The following MEF2D variants were observed in gnomAD, a reference collection of about 807,000 sequenced individuals.
The protein encoded by MEF2D is myocyte-specific enhancer factor 2D.
MEF2D carries 10 observed loss-of-function variants against 59.3 expected under a neutral mutation model. The observed-to-expected ratio is 0.17, with a 90% CI of 0.10 to 0.29. The LOEUF (loss-of-function observed/expected upper bound fraction) is 0.29. Among genes scored for constraint, MEF2D ranks in the 10% least tolerant of loss-of-function variants. The pLI is 1.00. For missense variants in MEF2D, 508 were observed against 699.4 expected (o/e 0.73, Z 3.09); for synonymous variants, 305 against 295.0 (o/e 1.03, Z -0.35).
At chr1:156,473,842 T>C (rs1167913747) in intron 9 of MEF2D, among the ~76,000 whole-genome samples, 1 of 152,204 alleles carries the variant, frequency 6.6e-6, no homozygotes, top group Non-Finnish European at 1.5e-5. Context: ...TCCACCACCA[T>C]GCCAAAACTA....
rs777120402 is a variant in MEF2D, at chr1:156,480,989, C to A, written c.259-18G>T. ...CTCAGGGTCTGTAACCGCACCACTG[C>A]CATCAGCTGGGTGAGAGTCCTTCCC... On this transcript the variant is annotated intron_variant, in intron 3 of 11. Transcript: ENST00000348159. The A allele has an allele frequency of 1.9e-6, 3 of 1,611,524 alleles. No individual in the cohort carries two copies. Among genetic ancestry groups the A allele is most frequent in the Non-Finnish European group, 2.5e-6 (3 of 1,179,860 alleles).
At chr1:156,479,442 A>G in intron 5 of MEF2D, 96 bp from the exon 6 acceptor site, 3 of 1,483,570 alleles carry the variant, frequency 2.0e-6, no homozygotes, top group African/African-American at 2.8e-5. Flanking sequence ...CAGGAGGAAG[A>G]GTCATACTCC....
In MEF2D at chr1:156,475,206, G is replaced by C. The variant is rs371877746; in HGVS notation, c.908C>G (p.Ser303Cys). 4 of 1,613,668 alleles carry C rather than the reference G, an allele frequency of 2.5e-6. No individual in the cohort carries two copies. Among genetic ancestry groups the C allele is most frequent in the Non-Finnish European group, 3.4e-6 (4 of 1,179,830 alleles). ...NNAQRLGVSQ[S>C]THSLTTPVVS... ...CACTGGGGTGGTGAGCGAATGAGTA[G>C]ACTGGGAGACCCCAAGGCGCTGGGC... is the stretch of plus-strand genomic sequence containing the variant. Residue 303 changes from serine to cysteine, a missense_variant, in exon 9 of 12, where the codon TCT (serine) becomes TGT (cysteine). Around this residue, in one of 2 missense-constraint regions of MEF2D, gnomAD observed 481 missense variants for 584.7 expected, o/e 0.82. Coordinates refer to ENST00000348159, the MANE Select transcript of MEF2D (RefSeq NM_005920.4).
intron 1 of MEF2D, among the ~76,000 whole-genome samples, chr1:156,490,220 C>T (rs1672697571): frequency 6.6e-6 from 1 of 152,142 alleles, no homozygotes; most frequent in African/African-American, 2.4e-5. Flanking sequence ...CGCCCCTACT[C>T]CTGGGCCCCT....
chr1:156,482,404 G>A (rs1305649304), intron 3 of MEF2D, 33 bp downstream of exon 3: 10 of 1,610,882 alleles, frequency 6.2e-6, no homozygotes, highest in East Asian at 2.2e-5. Context: ...TGCAGGCGGG[G>A]GTATATCCTG....
chr1:156,467,945 C>T (rs1023167671), intron 11 of MEF2D, 48 bp downstream of exon 11: 28 of 1,572,272 alleles, frequency 1.8e-5, no homozygotes, highest in African/African-American at 5.4e-5. Flanking sequence ...CGGGGCAGTC[C>T]CTGGGTGTAG....
At chr1:156,467,797 G>A in intron 11 of MEF2D, 141 bp from the exon 12 acceptor site, 1 of 1,073,672 alleles carries the variant, frequency 9.3e-7, no homozygotes, top group Non-Finnish European at 1.3e-6. Context: ...CGAGCAGAAG[G>A]ACTGATGCTG....
In MEF2D at chr1:156,469,054, T is replaced by C. The variant is rs28730740; in HGVS notation, c.1007-34A>G. On this transcript the variant is annotated intron_variant, in intron 9 of 11. Transcript: ENST00000348159. Reference sequence around the variant, plus strand: ...AGGAAAAGTGAGGATGAACCTGGAGTTGGGGAGAGCACACAGGCTCCTATG... The same window carrying C: ...AGGAAAAGTGAGGATGAACCTGGAGCTGGGGAGAGCACACAGGCTCCTATG... 8,927 of 1,565,884 alleles carry C rather than the reference T, an allele frequency of 5.7e-3. 443 individuals carry two copies. In the African/African-American group the frequency reaches 0.1, roughly 18 times the overall value.
At chr1:156,487,671 C>G (rs1672459721) in intron 1 of MEF2D, among the ~76,000 whole-genome samples, 1 of 152,208 alleles carries the variant, frequency 6.6e-6, no homozygotes, top group Non-Finnish European at 1.5e-5. Flanking sequence ...CTAAACTTCC[C>G]TCCTACCCAA....
In MEF2D at chr1:156,468,919, G is replaced by A. The variant is rs545734870; in HGVS notation, c.1108C>T (p.Pro370Ser). 6.2e-7 allele frequency: 1 copy of A among 1,613,516 alleles called. No individual in the cohort carries two copies. Among genetic ancestry groups the A allele is most frequent in the East Asian group, 2.2e-5 (1 of 44,894 alleles). Reference protein sequence around the residue: ...NVTAWQQPQQPQQPQQPQPPQ... With the variant: ...NVTAWQQPQQSQQPQQPQPPQ... The stretch of plus-strand genomic sequence containing the variant: ...GGCTGTGGCTGCTGCGGCTGCTGGG[G>A]CTGCTGTGGCTGTTGCCAGGCAGTG... Residue 370 changes from proline to serine, a missense_variant, in exon 10 of 12, where the codon CCC becomes TCC. By Grantham distance (74) the Pro-to-Ser change is moderately conservative. This residue lies in a region of MEF2D where 481 missense variants were observed against 584.7 expected (regional missense o/e 0.82). Coordinates refer to ENST00000348159, the MANE Select transcript of MEF2D (RefSeq NM_005920.4). The surrounding 1 kb of genome is among the most constrained non-coding windows in gnomAD (Gnocchi z 4.3).
chr1:156,482,765 C>T (rs1293259321), intron 2 of MEF2D, 125 bp from the exon 3 acceptor site: 14 of 877,702 alleles, frequency 1.6e-5, no homozygotes, highest in Non-Finnish European at 1.8e-5. Flanking sequence ...GTGACACAGC[C>T]CCTGGTCTCA....
At position 156,498,909 on chromosome 1, in the gene MEF2D, A is replaced by C. The variant is rs1185258205; in HGVS notation, c.-139+1577T>G. Among the ~76,000 whole-genome samples, 3 of 152,192 alleles carry C rather than the reference A, an allele frequency of 2.0e-5. 1 individual carries two copies. The highest frequency in any genetic ancestry group is 7.2e-5 in the African/African-American group (3 of 41,440). ...AACACACTGGGAAACCACAGGAAGG[A>C]AATTCATTCCCAGGCAGGGCCGTGG... On this transcript the variant is annotated intron_variant, in intron 1 of 11. Transcript: ENST00000348159.
intron 9 of MEF2D, among the ~76,000 whole-genome samples, chr1:156,472,207 C>G (rs758898265): frequency 7.2e-5 from 11 of 152,226 alleles, no homozygotes; most frequent in Admixed American, 2.6e-4. Flanking sequence ...ACCCCACCCT[C>G]AGGGCTGGTT....
intron 1 of MEF2D, among the ~76,000 whole-genome samples, chr1:156,488,876 G>A (rs773621516): frequency 2.0e-5 from 3 of 152,154 alleles, no homozygotes; most frequent in East Asian, 3.9e-4. Flanking sequence ...ATTCCTTTCC[G>A]ATAGCCAGCC....
At chr1:156,494,528 A>ACGGAG (rs1341777010) in intron 1 of MEF2D, among the ~76,000 whole-genome samples, 1 of 152,028 alleles carries the variant, frequency 6.6e-6, no homozygotes, top group Non-Finnish European at 1.5e-5. Context: ...CCAGGGCCAA[A>ACGGAG]CGGAGCCCTA....
At chr1:156,473,378 G>T (rs1438641996) in intron 9 of MEF2D, among the ~76,000 whole-genome samples, 1 of 152,138 alleles carries the variant, frequency 6.6e-6, no homozygotes, top group Non-Finnish European at 1.5e-5. Flanking sequence ...ACTGGTGGCT[G>T]GTTCAACTCT....
At chr1:156,472,588 G>GCCC in intron 9 of MEF2D, among the ~76,000 whole-genome samples, 1 of 152,172 alleles carries the variant, frequency 6.6e-6, no homozygotes, top group East Asian at 1.9e-4. Flanking sequence ...TCGCTCTGTT[G>GCCC]CCCAGGCTGG....
chr1:156,475,131 G>A lies in MEF2D; in HGVS notation c.983C>T (p.Ser328Phe). Residue 328 changes from serine to phenylalanine, a missense_variant, in exon 9 of 12, where the codon TCC (serine) becomes TTC (phenylalanine). Ser to Phe is a radical substitution (Grantham distance 155). This residue lies in a region of MEF2D where 481 missense variants were observed against 584.7 expected (regional missense o/e 0.82). Coordinates refer to ENST00000348159, the MANE Select transcript of MEF2D (RefSeq NM_005920.4). ...SLLSQGLPFS[S>F]MPTAYNTDYQ... Reference sequence around the variant, plus strand: ...ACCTGTGTTGTAGGCAGTGGGCATGGAAGAGAAGGGGAGGCCCTGGCTGAG... The same window carrying A: ...ACCTGTGTTGTAGGCAGTGGGCATGAAAGAGAAGGGGAGGCCCTGGCTGAG... 1 of 1,614,212 alleles carries A rather than the reference G, an allele frequency of 6.2e-7. No individual in the cohort carries two copies. The highest frequency in any genetic ancestry group is 1.7e-5 in the Admixed American group (1 of 60,034).
chr1:156,483,176 G>C, intron 2 of MEF2D, 63 bp downstream of exon 2: 1 of 1,528,642 alleles, frequency 6.5e-7, no homozygotes, highest in Non-Finnish European at 9.1e-7. Context: ...TGCCTGAAGG[G>C]AGTAGAGGCA....
Sources: allele counts gnomAD v4.1 joint callset (sites outside exome capture counted in the v4.1 genomes callset), GRCh38; gene constraint gnomAD v4.1.1; regional missense constraint gnomAD v4.1.1; non-coding constraint Gnocchi (gnomAD v3.1); transcripts MANE v1.5; gene names NCBI Gene and HGNC (gene_info 2026-07-23, HGNC 2026-07-21).